XRCC4: variants seen among roughly 807,000 people sequenced by gnomAD.
The protein encoded by XRCC4 is X-ray repair cross complementing 4, also known as DNA repair protein XRCC4.
In XRCC4, 28 loss-of-function variants were observed where a neutral mutation model predicts 39.1. That is an observed-to-expected ratio of 0.72 (90% CI 0.53 to 0.98). XRCC4 has a LOEUF of 0.98. XRCC4 is among the 50% of genes least tolerant of loss of function. XRCC4 has a pLI of 0.00. For missense variants in XRCC4, 350 were observed against 376.4 expected, an observed-to-expected ratio of 0.93 and a Z score of 0.58; for synonymous variants, 123 against 126.4, an observed-to-expected ratio of 0.97 and a Z score of 0.18.
At chr5:83,289,611 G>A (rs760055284) in intron 7 of XRCC4, among the ~76,000 whole-genome samples, 4 of 151,866 alleles carry the variant, frequency 2.6e-5, no homozygotes, top group African/African-American at 4.8e-5. Flanking sequence ...GTGGTATGAT[G>A]TGGGAGAAAA....
chr5:83,111,272 T>C (rs971457563), intron 3 of XRCC4, 69 bp downstream of exon 3: 6 of 1,309,640 alleles, frequency 4.6e-6, no homozygotes, highest in Non-Finnish European at 6.1e-6. Flanking sequence ...TATATTTAAA[T>C]TTAAGTGACT....
intron 3 of XRCC4, among the ~76,000 whole-genome samples, chr5:83,139,603 A>T (rs923369712): frequency 6.6e-6 from 1 of 152,152 alleles, no homozygotes; most frequent in Non-Finnish European, 1.5e-5. Flanking sequence ...TCGTTAGGTG[A>T]TTTCTTTGAT....
intron 4 of XRCC4, among the ~76,000 whole-genome samples, chr5:83,198,205 C>G (rs1169396058): frequency 1.8e-4 from 27 of 152,028 alleles, no homozygotes; most frequent in Admixed American, 1.6e-3. Flanking sequence ...TTGGGGGAAG[C>G]CTCCGATTAT....
At chr5:83,108,500 A>G (rs541310690) in intron 2 of XRCC4, among the ~76,000 whole-genome samples, 1 of 152,036 alleles carries the variant, frequency 6.6e-6, no homozygotes, top group African/African-American at 2.4e-5. Flanking sequence ...TAACTGACAG[A>G]TATCTAAAAT....
At chr5:83,363,025 G>C in the XRCC4 span, among the ~76,000 whole-genome samples, 1 of 152,148 alleles carries the variant, frequency 6.6e-6, no homozygotes, top group Non-Finnish European at 1.5e-5. Context: ...TGAAAGTCTA[G>C]ACAAAGGAAG....
At chr5:83,147,851 C>T (rs904409726) in intron 3 of XRCC4, among the ~76,000 whole-genome samples, 6 of 151,262 alleles carry the variant, frequency 4.0e-5, no homozygotes, top group African/African-American at 1.5e-4. Context: ...GGTGCAGTGG[C>T]ACGATCTTGG....
At chr5:83,237,653 C>A (rs1453415819) in intron 6 of XRCC4, among the ~76,000 whole-genome samples, 6 of 151,896 alleles carry the variant, frequency 4.0e-5, no homozygotes, top group Non-Finnish European at 8.8e-5. Flanking sequence ...GAAATAAAAT[C>A]TAATGTTCAG....
intron 3 of XRCC4, among the ~76,000 whole-genome samples, chr5:83,134,399 A>G (rs1010903075): frequency 6.6e-6 from 1 of 152,106 alleles, no homozygotes; most frequent in African/African-American, 2.4e-5. Flanking sequence ...TGTCTAGCTA[A>G]TTGGGTGGTG....
At chr5:83,184,870 G>A (rs1750366376) in intron 3 of XRCC4, among the ~76,000 whole-genome samples, 1 of 151,930 alleles carries the variant, frequency 6.6e-6, no homozygotes, top group Non-Finnish European at 1.5e-5. Context: ...ACCCATAGAT[G>A]TTATTTTTGT....
At chr5:83,239,615 A>G (rs6880217) in intron 6 of XRCC4, among the ~76,000 whole-genome samples, 31,598 of 151,782 alleles carry the variant, frequency 0.21, 7,464 homozygotes, top group African/African-American at 0.59. Flanking sequence ...GGATCACGAG[A>G]TCAGGAGATC....
chr5:83,149,246 C>A (rs1053775183), intron 3 of XRCC4, among the ~76,000 whole-genome samples: 1 of 152,082 alleles, frequency 6.6e-6, no homozygotes, highest in Admixed American at 6.5e-5. Context: ...TTCTGCTGTT[C>A]GCAGAGCTTA....
the XRCC4 span, among the ~76,000 whole-genome samples, chr5:83,370,640 G>A: frequency 3.5e-4 from 53 of 152,184 alleles, no homozygotes; most frequent in Non-Finnish European, 6.8e-4. Flanking sequence ...TCAACTTGGT[G>A]TGTGTCATCA....
chr5:83,304,428 TG>T (rs1261976399), intron 7 of XRCC4, among the ~76,000 whole-genome samples: 1 of 152,190 alleles, frequency 6.6e-6, no homozygotes, highest in African/African-American at 2.4e-5. Flanking sequence ...CTCTCTTACC[TG>T]AATTCTACCA....
At chr5:83,094,281 C>T (rs1220790005) in intron 1 of XRCC4, among the ~76,000 whole-genome samples, 2 of 137,630 alleles carry the variant, frequency 1.5e-5, no homozygotes, top group Non-Finnish European at 3.1e-5. Context: ...CCATAGGCTC[C>T]CCTCCCCTCC....
At chr5:83,135,889 G>C (rs1376468506) in intron 3 of XRCC4, among the ~76,000 whole-genome samples, 7 of 151,946 alleles carry the variant, frequency 4.6e-5, no homozygotes, top group Non-Finnish European at 1.0e-4. Flanking sequence ...AGATTTTTCT[G>C]CTCCATATGT....
At chr5:83,132,418 A>G (rs956498605) in intron 3 of XRCC4, among the ~76,000 whole-genome samples, 1 of 152,130 alleles carries the variant, frequency 6.6e-6, no homozygotes, top group East Asian at 1.9e-4. Flanking sequence ...CTGAATTTGA[A>G]TGTTGGCCTT....
At chr5:83,274,591 A>G (rs1166400169) in intron 7 of XRCC4, among the ~76,000 whole-genome samples, 3 of 152,222 alleles carry the variant, frequency 2.0e-5, no homozygotes, top group Non-Finnish European at 2.9e-5. Flanking sequence ...ATATGCAGAT[A>G]ATTAAGGTGA....
intron 3 of XRCC4, among the ~76,000 whole-genome samples, chr5:83,174,058 C>A (rs1262540538): frequency 3.9e-5 from 6 of 152,090 alleles, no homozygotes; most frequent in African/African-American, 9.7e-5. Context: ...ATTAAATGAA[C>A]CTGTGGGAGC....
intron 3 of XRCC4, among the ~76,000 whole-genome samples, chr5:83,113,651 C>T (rs1405343611): frequency 2.0e-5 from 3 of 150,950 alleles, no homozygotes; most frequent in South Asian, 2.1e-4. Context: ...GACGGAGTCT[C>T]GCTGTGTCAC....
Sources: gnomAD v4.1 joint callset for allele counts (sites outside exome capture counted in the v4.1 genomes callset) on GRCh38, gnomAD v4.1.1 for gene constraint, MANE v1.5 for transcripts, NCBI Gene and HGNC (gene_info 2026-07-23, HGNC 2026-07-21) for gene names.